PTK2: variants seen among roughly 807,000 people sequenced by gnomAD.
PTK2 encodes focal adhesion kinase 1.
A neutral mutation model predicts 150.1 loss-of-function variants in PTK2; 45 were observed. That is an observed-to-expected ratio of 0.30 (90% CI 0.24 to 0.38). PTK2 has a LOEUF of 0.38. PTK2 is among the 10% of genes least tolerant of loss of function. The probability of loss-of-function intolerance (pLI) is 1.00; values close to 1 mark genes in which losing one functional copy is unlikely to be tolerated. For missense variants in PTK2, 919 were observed against 1,307.3 expected (o/e 0.70, Z 4.58); for synonymous variants, 432 against 449.2 (o/e 0.96, Z 0.48).
chr8:140,803,740 T>C (rs1596282261), intron 10 of PTK2, 90 bp from the exon 11 acceptor site: 1 of 1,188,864 alleles, frequency 8.4e-7, no homozygotes, highest in Non-Finnish European at 1.2e-6. Flanking sequence ...CTCGTTGTCC[T>C]GAAGACATCC....
chr8:140,687,972 G>C (rs2100020959), intron 26 of PTK2, among the ~76,000 whole-genome samples: 1 of 152,178 alleles, frequency 6.6e-6, no homozygotes, highest in Admixed American at 6.5e-5. Flanking sequence ...CCAGGAAGTG[G>C]GTAAAGGAGC....
chr8:140,879,676 G>GAAACAAAA (rs2100147777), intron 3 of PTK2, 39 bp from the exon 4 acceptor site: 2 of 31,602 alleles, frequency 6.3e-5, no homozygotes, highest in Non-Finnish European at 9.6e-5. Context: ...GTTATAAACT[G>GAAACAAAA]AAAAAAAAAA....
intron 25 of PTK2, among the ~76,000 whole-genome samples, 191 bp downstream of exon 28, chr8:140,702,379 G>A (rs914038101): frequency 6.6e-6 from 1 of 150,388 alleles, no homozygotes; most frequent in Non-Finnish European, 1.5e-5. Flanking sequence ...ACCACCATAC[G>A]TGACTAATTT....
intron 7 of PTK2, among the ~76,000 whole-genome samples, chr8:140,838,427 C>T (rs2100120131): frequency 6.6e-6 from 1 of 152,188 alleles, no homozygotes; most frequent in African/African-American, 2.4e-5. Context: ...TCCTCTCAGC[C>T]AGGCCACTCC....
At chr8:140,823,885 G>A (rs1260408855) in intron 8 of PTK2, among the ~76,000 whole-genome samples, 3 of 152,170 alleles carry the variant, frequency 2.0e-5, no homozygotes, top group African/African-American at 7.2e-5. Context: ...GCTAAGTCCT[G>A]TTAGACTTTA....
At chr8:140,732,729 C>T in intron 22 of PTK2, 1 of 340,832 alleles carries the variant, frequency 2.9e-6, no homozygotes. Flanking sequence ...GTTTATCGAA[C>T]TGAATTGAAC....
In PTK2 at chr8:140,670,725, T is replaced by G. The variant is rs151128571; in HGVS notation, c.2710-2301A>C. ...TTTCCAAGAGATGACTTCCTGTATT[T>G]TATTTTCTGCACTGAGAGTCACAGT... On this transcript the variant is annotated intron_variant, in intron 29 of 31. Coordinates refer to ENST00000522684, the Ensembl canonical transcript of PTK2. Among the ~76,000 whole-genome samples, 14 of 152,264 alleles carry G rather than the reference T, an allele frequency of 9.2e-5. No individual in the cohort carries two copies. The East Asian group carries it at 2.7e-3, about 29-fold the overall frequency.
At chr8:140,999,656 T>C (rs1362259032) in intron 1 of PTK2, among the ~76,000 whole-genome samples, 1 of 152,256 alleles carries the variant, frequency 6.6e-6, no homozygotes, top group African/African-American at 2.4e-5. Flanking sequence ...TTCATCCGTG[T>C]GCTTGCATCG....
At chr8:140,802,258 G>A (rs1313701697) in intron 11 of PTK2, among the ~76,000 whole-genome samples, 1 of 152,050 alleles carries the variant, frequency 6.6e-6, no homozygotes, top group Admixed American at 6.6e-5. Context: ...TCTTGACCCT[G>A]TGTAGGCCTA....
At chr8:140,727,463 A>G (rs1239988444) in intron 22 of PTK2, among the ~76,000 whole-genome samples, 1 of 151,806 alleles carries the variant, frequency 6.6e-6, no homozygotes, top group Non-Finnish European at 1.5e-5. Context: ...TCTTCTAGAT[A>G]ATATCTAGAC....
At chr8:140,998,756 T>G (rs1349182738) in intron 1 of PTK2, among the ~76,000 whole-genome samples, 1 of 151,192 alleles carries the variant, frequency 6.6e-6, no homozygotes, top group Non-Finnish European at 1.5e-5. Flanking sequence ...GCAGTGGAGC[T>G]TGCAGTGAGC....
chr8:140,976,615 C>T (rs934761742), intron 1 of PTK2, among the ~76,000 whole-genome samples: 1 of 152,212 alleles, frequency 6.6e-6, no homozygotes, highest in Non-Finnish European at 1.5e-5. Context: ...AGTCACTTGT[C>T]TTTAAGCTTC....
chr8:140,833,774 C>G (rs1443339093), intron 7 of PTK2, among the ~76,000 whole-genome samples: 1 of 152,106 alleles, frequency 6.6e-6, no homozygotes, highest in African/African-American at 2.4e-5. Flanking sequence ...AGGATATGTC[C>G]TAAATGCATT....
rs796241112 is a variant in PTK2 at position 140,721,075 on chromosome 8, AT to A, written c.2031-3367del. Among the ~76,000 whole-genome samples, 1,332 of 143,442 alleles carry A rather than the reference AT, an allele frequency of 9.3e-3. 18 individuals carry two copies. Among genetic ancestry groups the A allele is most frequent in the African/African-American group, 0.026 (1,022 of 39,648 alleles). 94.1% of individuals were successfully genotyped at this position (143,442 alleles called of 152,430 possible). A position where few individuals can be genotyped will look rare whatever the true frequency, so the allele number is the denominator to read the frequency against. ...CCTGGCCTCCTACCTTTCTTTCTTT[AT>A]TTTTTTTTTTTTAAAAGAGATGGAA... On this transcript the variant is annotated intron_variant, in intron 22 of 31. Transcript: ENST00000522684.
At chr8:140,918,174 G>C (rs915360898) in intron 2 of PTK2, among the ~76,000 whole-genome samples, 1 of 152,154 alleles carries the variant, frequency 6.6e-6, no homozygotes, top group South Asian at 2.1e-4. Flanking sequence ...GCAACAGAAG[G>C]TATAAACGCC....
intron 14 of PTK2, among the ~76,000 whole-genome samples, chr8:140,773,529 T>TGCACACATCAGGGGAGGCCAGGCA (rs2100076750): frequency 6.6e-6 from 1 of 152,090 alleles, no homozygotes; most frequent in African/African-American, 2.4e-5. Flanking sequence ...GAAAGGGCCA[T>TGCACACATCAGGGGAGGCCAGGCA]GCACACATCA....
At chr8:140,785,825 T>A (rs147981609) in intron 14 of PTK2, among the ~76,000 whole-genome samples, 2 of 152,228 alleles carry the variant, frequency 1.3e-5, no homozygotes, top group African/African-American at 4.8e-5. Flanking sequence ...AATGGAGAGA[T>A]AATAAATACC....
chr8:140,989,212 T>TTAA (rs1249939122), intron 1 of PTK2, among the ~76,000 whole-genome samples: 97 of 60,584 alleles, frequency 1.6e-3, no homozygotes, highest in African/African-American at 6.0e-3. Context: ...ACCCTGTCTC[T>TTAA]AAAAAAAAAA....
chr8:140,903,551 G>A (rs1252778793), intron 2 of PTK2, among the ~76,000 whole-genome samples: 1 of 152,048 alleles, frequency 6.6e-6, no homozygotes, highest in African/African-American at 2.4e-5. Context: ...AAGTCAATGG[G>A]AGCTTCATGG....
Sources: gnomAD v4.1 joint callset for allele counts (sites outside exome capture counted in the v4.1 genomes callset) on GRCh38, gnomAD v4.1.1 for gene constraint, MANE v1.5 for transcripts, NCBI Gene and HGNC (gene_info 2026-07-23, HGNC 2026-07-21) for gene names.